FAM78B: variants seen among roughly 807,000 people sequenced by gnomAD.
The protein encoded by FAM78B is protein FAM78B.
In FAM78B, 10 loss-of-function variants were observed where a neutral mutation model predicts 20.0. That is an observed-to-expected ratio of 0.50 (90% CI 0.31 to 0.85). The LOEUF (loss-of-function observed/expected upper bound fraction) is 0.85. Ranked by LOEUF, FAM78B falls within the 40% of genes least tolerant of loss-of-function variation. FAM78B has a pLI of 0.05. For missense variants in FAM78B, 283 were observed against 345.0 expected (o/e 0.82, Z 1.42); for synonymous variants, 135 against 132.8 (o/e 1.02, Z -0.12).
intron 1 of FAM78B, among the ~76,000 whole-genome samples, chr1:166,098,115 C>A (rs907007122): frequency 4.6e-5 from 7 of 152,096 alleles, no homozygotes; most frequent in Non-Finnish European, 1.0e-4. Context: ...GGTGGCTAGA[C>A]CCAGAAGAGA....
chr1:166,159,960 T>A (rs1656079923), intron 1 of FAM78B, among the ~76,000 whole-genome samples: 1 of 152,244 alleles, frequency 6.6e-6, no homozygotes, highest in Admixed American at 6.5e-5. Flanking sequence ...ATAAAGGAAC[T>A]GGATCCTGCT....
intron 1 of FAM78B, among the ~76,000 whole-genome samples, chr1:166,138,230 C>T (rs376418685): frequency 6.6e-6 from 1 of 152,098 alleles, no homozygotes; most frequent in African/African-American, 2.4e-5. Context: ...CCCCTCCTCA[C>T]TCCCCTCATC....
intron 1 of FAM78B, among the ~76,000 whole-genome samples, chr1:166,079,223 G>C (rs1652466472): frequency 6.6e-6 from 1 of 152,178 alleles, no homozygotes; most frequent in African/African-American, 2.4e-5. Context: ...ATGAACCACT[G>C]TGTCTGGCTG....
exon 3 of FAM78B, chr1:166,060,300 T>C: frequency 7.2e-6 from 2 of 278,726 alleles, no homozygotes; most frequent in South Asian, 6.5e-5. Flanking sequence ...GACCAGCTCT[T>C]CATCCCTAGG....
At chr1:166,061,985 A>T (rs919412144) in intron 2 of FAM78B, among the ~76,000 whole-genome samples, 2 of 152,158 alleles carry the variant, frequency 1.3e-5, no homozygotes, top group East Asian at 3.8e-4. Context: ...TCACTATATT[A>T]TTTCTGTTAT....
chr1:166,103,462 T>G (rs1168748419), intron 1 of FAM78B, among the ~76,000 whole-genome samples: 1 of 151,882 alleles, frequency 6.6e-6, no homozygotes, highest in Non-Finnish European at 1.5e-5. Context: ...TTAGCAAGAC[T>G]AATAAAGAAG....
chr1:166,142,512 G>T (rs1655317032), intron 1 of FAM78B, among the ~76,000 whole-genome samples: 1 of 152,228 alleles, frequency 6.6e-6, no homozygotes, highest in Non-Finnish European at 1.5e-5. Context: ...TCCCCTCAAG[G>T]ATCTTGAGGT....
At chr1:166,086,839 G>A (rs983293141) in intron 1 of FAM78B, among the ~76,000 whole-genome samples, 12 of 152,226 alleles carry the variant, frequency 7.9e-5, no homozygotes, top group East Asian at 1.9e-4. Context: ...CTGTCCACAC[G>A]TGTGGACAGA....
rs1198313590 is a variant in FAM78B, at chr1:166,166,390, C to T, written c.-142G>A. ...GCTCGCACCTAGGAGCGGGGAGCCG[C>T]CGGGCATCCTTGGGGAAGCCCCCTC... On this transcript the variant is annotated 5_prime_UTR_variant, in exon 1 of 2. Transcript: ENST00000354422. 1.3e-6 allele frequency: 1 copy of T among 744,012 alleles called. No homozygotes were observed. Among genetic ancestry groups the T allele is most frequent in the East Asian group, 1.1e-4 (1 of 9,042 alleles). 46.1% of individuals were successfully genotyped at this position (744,012 alleles called of 1,614,324 possible).
chr1:166,157,376 T>C (rs886989775), intron 1 of FAM78B, among the ~76,000 whole-genome samples: 10 of 151,344 alleles, frequency 6.6e-5, no homozygotes, highest in Non-Finnish European at 1.0e-4. Context: ...TGTCCATTTA[T>C]GTACAGGCAA....
At position 166,129,134 on chromosome 1, in the gene FAM78B, A is replaced by G. The variant is rs530705342; in HGVS notation, c.263+36852T>C. On this transcript the variant is annotated intron_variant, in intron 1 of 1. Coordinates refer to ENST00000354422, the MANE Select transcript of FAM78B (RefSeq NM_001017961.5). ...TGTCTGGGTGTGTGAGCAGTGGCAG[A>G]AGGCCCAGCTGTGCCAATTCAGTGC... Among the ~76,000 whole-genome samples, 19 of 152,310 alleles carry G rather than the reference A, an allele frequency of 1.2e-4. No individual in the cohort carries two copies. In the South Asian group the frequency reaches 3.9e-3, roughly 32 times the overall value.
intron 1 of FAM78B, among the ~76,000 whole-genome samples, chr1:166,117,945 C>A (rs554297825): frequency 1.2e-3 from 180 of 152,134 alleles, no homozygotes; most frequent in Admixed American, 2.9e-3. Flanking sequence ...CCCGACATGA[C>A]GCAATTGGGA....
chr1:166,099,251 A>C (rs1335854982), intron 1 of FAM78B, among the ~76,000 whole-genome samples: 1 of 152,252 alleles, frequency 6.6e-6, no homozygotes, highest in Non-Finnish European at 1.5e-5. Flanking sequence ...AAGGAGCTCT[A>C]AATCTTGAAA....
intron 1 of FAM78B, among the ~76,000 whole-genome samples, chr1:166,162,128 G>A (rs775544931): frequency 5.9e-5 from 9 of 152,206 alleles, no homozygotes; most frequent in Non-Finnish European, 1.2e-4. Flanking sequence ...GAAACGGTGA[G>A]TCTCTCAAAA....
chr1:166,076,210 C>T (rs1307248802), intron 1 of FAM78B, among the ~76,000 whole-genome samples: 3 of 152,170 alleles, frequency 2.0e-5, no homozygotes, highest in Non-Finnish European at 4.4e-5. Flanking sequence ...TCCTAAAGCA[C>T]TCAGGAAAAG....
chr1:166,133,410 T>C (rs1453689025), intron 1 of FAM78B, among the ~76,000 whole-genome samples: 1 of 152,182 alleles, frequency 6.6e-6, no homozygotes, highest in Non-Finnish European at 1.5e-5. Context: ...TAGAATTTCT[T>C]AGACAAAACC....
intron 1 of FAM78B, among the ~76,000 whole-genome samples, chr1:166,165,608 T>G (rs1656338620): frequency 6.6e-6 from 1 of 152,016 alleles, no homozygotes; most frequent in Admixed American, 6.5e-5. Context: ...CACTCCTCTA[T>G]GGTTTCCCCC....
chr1:166,084,449 G>C (rs1652725481), intron 1 of FAM78B, among the ~76,000 whole-genome samples: 1 of 152,152 alleles, frequency 6.6e-6, no homozygotes, highest in African/African-American at 2.4e-5. Flanking sequence ...TCATGGATAA[G>C]GATATGTCCA....
chr1:166,122,748 G>A (rs999554572), intron 1 of FAM78B, among the ~76,000 whole-genome samples: 6 of 152,272 alleles, frequency 3.9e-5, no homozygotes, highest in Admixed American at 2.6e-4. Flanking sequence ...GGATTATTGC[G>A]AGAATTCAAT....
Sources: allele counts gnomAD v4.1 joint callset (sites outside exome capture counted in the v4.1 genomes callset), GRCh38; gene constraint gnomAD v4.1.1; transcripts MANE v1.5; gene names NCBI Gene and HGNC (gene_info 2026-07-23, HGNC 2026-07-21).